Variants in MCMBP observed in about 807,000 individuals in gnomAD.
MCMBP encodes mini-chromosome maintenance complex-binding protein.
MCMBP carries 31 observed loss-of-function variants against 81.3 expected under a neutral mutation model. The ratio of observed to expected loss-of-function variants is 0.38; its 90% CI spans 0.29 to 0.51. The LOEUF is 0.51. Ranked by LOEUF, MCMBP falls within the 20% of genes least tolerant of loss-of-function variation. MCMBP has a pLI of 0.87. For missense variants in MCMBP, 645 were observed against 772.1 expected (o/e 0.84, Z 1.95); for synonymous variants, 267 against 275.9 (o/e 0.97, Z 0.32).
intron 12 of MCMBP, 127 bp from the exon 13 acceptor site, chr10:119,837,156 G>A: frequency 1.1e-6 from 1 of 933,816 alleles, no homozygotes; most frequent in Middle Eastern, 2.9e-4. Flanking sequence ...GCGCTGTCCA[G>A]TTTACTAAGC....
intron 11 of MCMBP, among the ~76,000 whole-genome samples, chr10:119,839,362 TCAAA>T (rs760283867): frequency 4.6e-5 from 7 of 152,098 alleles, no homozygotes; most frequent in East Asian, 1.9e-4. Context: ...CCCTCCAGCC[TCAAA>T]CAATGTGGCA....
chr10:119,859,759 T>A (rs751595373), intron 2 of MCMBP, 40 bp downstream of exon 2: 1 of 1,396,778 alleles, frequency 7.2e-7, no homozygotes, highest in Non-Finnish European at 1.0e-6. Flanking sequence ...AACTGTATAG[T>A]CTGTCCAACC....
At chr10:119,871,104 C>A (rs899071711) in intron 1 of MCMBP, among the ~76,000 whole-genome samples, 1 of 152,116 alleles carries the variant, frequency 6.6e-6, no homozygotes. Context: ...ATATTAGTAA[C>A]TGAAATTTAA....
intron 2 of MCMBP, 92 bp from the exon 3 acceptor site, chr10:119,859,273 G>T: frequency 2.1e-6 from 2 of 966,286 alleles, no homozygotes; most frequent in South Asian, 1.6e-5. Flanking sequence ...GACTCAAACT[G>T]TTACACACAC....
chr10:119,837,275 G>C (rs952315437), intron 12 of MCMBP, among the ~76,000 whole-genome samples: 3 of 152,160 alleles, frequency 2.0e-5, no homozygotes, highest in African/African-American at 7.2e-5. Context: ...TATGCACCTA[G>C]ACATAAAATA....
chr10:119,873,015 A>C (rs916676760), upstream of MCMBP, among the ~76,000 whole-genome samples: 2 of 151,536 alleles, frequency 1.3e-5, no homozygotes. Flanking sequence ...GCGCCGCTGG[A>C]GGCTGCGCAG....
chr10:119,848,092 A>C (rs1852679861), intron 7 of MCMBP, among the ~76,000 whole-genome samples: 1 of 152,136 alleles, frequency 6.6e-6, no homozygotes, highest in Non-Finnish European at 1.5e-5. Flanking sequence ...AAGATGATTA[A>C]CTTTGCATTT....
Position 119,831,321 on chromosome 10 carries a change from A to C in MCMBP, c.*153T>G. On this transcript the variant is annotated 3_prime_UTR_variant, in exon 16 of 16. Transcript: ENST00000369077. ...AAGGTAAAAGTCCTTACTGAATATC[A>C]TATAAACATCAGGTGTTACCAGGCT... is the stretch of plus-strand genomic sequence containing the variant. The C allele has an allele frequency of 1.3e-6, 1 of 759,290 alleles. No individual in the cohort carries two copies. The highest frequency in any genetic ancestry group is 2.2e-5 in the South Asian group (1 of 46,118). 47.0% of individuals were successfully genotyped at this position (759,290 alleles called of 1,614,324 possible).
rs1852327525 is a variant in MCMBP, at chr10:119,838,462, C to T, written c.1408+73G>A. 3 of 1,461,588 alleles carry T rather than the reference C, an allele frequency of 2.1e-6. No individual in the cohort carries two copies. In the South Asian group the frequency reaches 3.8e-5, roughly 18 times the overall value. The allele number at this position is 1,461,588 out of a possible 1,614,324, so 90.5% of individuals were successfully genotyped here. On this transcript the variant is annotated intron_variant, in intron 12 of 15. Coordinates refer to ENST00000369077, the MANE Select transcript of MCMBP (RefSeq NM_001256378.2). ...TGTGAATTTGTCCATAGATACTCTT[C>T]TAAAAGTTATTCCTAGATCTGGCTT...
chr10:119,872,999 C>G (rs989948999), upstream of MCMBP: 22 of 151,956 alleles, frequency 1.4e-4, no homozygotes, highest in African/African-American at 5.3e-4. Flanking sequence ...AAAGGAAGGG[C>G]ACGCAGCGCC....
chr10:119,852,967 G>A, intron 6 of MCMBP, 83 bp downstream of exon 6: 3 of 1,491,946 alleles, frequency 2.0e-6, no homozygotes, highest in East Asian at 2.3e-5. Flanking sequence ...TAAATATAGA[G>A]CTATATTATG....
intron 14 of MCMBP, 39 bp from the exon 15 acceptor site, chr10:119,832,139 G>C: frequency 6.4e-7 from 1 of 1,567,888 alleles, no homozygotes; most frequent in Non-Finnish European, 8.7e-7. Context: ...GTGCATTTTT[G>C]TAAGGAAAAG....
At chr10:119,862,669 G>C (rs998344606) in intron 1 of MCMBP, among the ~76,000 whole-genome samples, 4 of 152,160 alleles carry the variant, frequency 2.6e-5, no homozygotes, top group African/African-American at 4.8e-5. Context: ...AGGTTTTCAT[G>C]TGAACATGAG....
chr10:119,849,358 T>G, intron 7 of MCMBP, 67 bp downstream of exon 7: 1 of 1,515,888 alleles, frequency 6.6e-7, no homozygotes, highest in Non-Finnish European at 8.9e-7. Context: ...ATGCAAATGC[T>G]CAGACACTAA....
At chr10:119,858,986 C>T (rs1280312415) in intron 3 of MCMBP, 55 bp downstream of exon 3, 1 of 1,610,410 alleles carries the variant, frequency 6.2e-7, no homozygotes, top group African/African-American at 1.3e-5. Flanking sequence ...AAACTACCAC[C>T]AACAGTAAAA....
chr10:119,838,455 T>C, intron 12 of MCMBP, 80 bp downstream of exon 12: 1 of 1,372,010 alleles, frequency 7.3e-7, no homozygotes, highest in South Asian at 1.4e-5. Flanking sequence ...TGTCCATAGA[T>C]ACTCTTCTAA....
upstream of MCMBP, among the ~76,000 whole-genome samples, chr10:119,873,113 T>A (rs1371336683): frequency 6.6e-6 from 1 of 152,042 alleles, no homozygotes; most frequent in Non-Finnish European, 1.5e-5. Flanking sequence ...ATAGTGGGCT[T>A]ATAAGAGGGC....
rs188404968 is a variant in MCMBP, at chr10:119,861,486, T to C, written c.59-1602A>G. On this transcript the variant is annotated intron_variant, in intron 1 of 15. Transcript: ENST00000369077. Reference sequence around the variant, plus strand: ...AAGCCCTCTATGTGACTGACTATAATGCACATTGAAGTTTAAGAATCGCTG... The same window carrying C: ...AAGCCCTCTATGTGACTGACTATAACGCACATTGAAGTTTAAGAATCGCTG... Among the ~76,000 whole-genome samples, 16 of 152,274 alleles carry C rather than the reference T, an allele frequency of 1.1e-4. No homozygotes were observed. In the East Asian group the frequency reaches 2.7e-3, roughly 26 times the overall value.
intron 8 of MCMBP, among the ~76,000 whole-genome samples, chr10:119,845,733 A>C (rs943001754): frequency 6.6e-6 from 1 of 152,242 alleles, no homozygotes; most frequent in Non-Finnish European, 1.5e-5. Context: ...TGAACTGGAA[A>C]TGTATTGAAC....
Sources: gnomAD v4.1 joint callset for allele counts (sites outside exome capture counted in the v4.1 genomes callset) on GRCh38, gnomAD v4.1.1 for gene constraint, MANE v1.5 for transcripts, NCBI Gene and HGNC (gene_info 2026-07-23, HGNC 2026-07-21) for gene names.